SUSD5: variants seen among roughly 807,000 people sequenced by gnomAD.
SUSD5 encodes sushi domain-containing protein 5.
A neutral mutation model predicts 29.5 loss-of-function variants in SUSD5; 33 were observed. That is an observed-to-expected ratio of 1.12 (90% CI 0.85 to 1.49). SUSD5 has a LOEUF of 1.49. Among genes scored for constraint, SUSD5 ranks in the 40% most tolerant of loss-of-function variants. The pLI is 0.00. For synonymous variants in SUSD5, 308 were observed against 325.3 expected (o/e 0.95, Z 0.57); for missense variants, 776 against 800.6 (o/e 0.97, Z 0.37).
At chr3:33,193,694 A>G (rs2031942302) in intron 3 of SUSD5, among the ~76,000 whole-genome samples, 1 of 152,204 alleles carries the variant, frequency 6.6e-6, no homozygotes, top group South Asian at 2.1e-4. Context: ...TGCAAAAAGT[A>G]TGACAATGAG....
intron 4 of SUSD5, 82 bp from the exon 5 acceptor site, chr3:33,154,115 A>G: frequency 6.8e-6 from 8 of 1,178,684 alleles, no homozygotes; most frequent in Non-Finnish European, 9.3e-6. Flanking sequence ...AATTAAAAGC[A>G]TAAAGGCTGG....
chr3:33,203,223 A>G (rs2032152815), intron 3 of SUSD5, among the ~76,000 whole-genome samples: 1 of 152,228 alleles, frequency 6.6e-6, no homozygotes, highest in Non-Finnish European at 1.5e-5. Flanking sequence ...AGGGCCTTGC[A>G]GGAGCCATTT....
chr3:33,189,483 A>AG (rs1233636111), intron 3 of SUSD5, among the ~76,000 whole-genome samples: 3 of 78,972 alleles, frequency 3.8e-5, no homozygotes, highest in African/African-American at 1.1e-4. Context: ...CTTCTCAAAA[A>AG]AAAAAAAAAA....
chr3:33,153,082 G>A lies in SUSD5; in HGVS notation c.1550C>T (p.Thr517Ile). The A allele has an allele frequency of 6.2e-7, 1 of 1,613,860 alleles. No homozygotes were observed. Among genetic ancestry groups the A allele is most frequent in the Non-Finnish European group, 8.5e-7 (1 of 1,179,840 alleles). The change falls in exon 5 of 5, where the codon ACC becomes ATC. Residue 517 changes from threonine to isoleucine, a missense_variant. Coordinates refer to ENST00000309558, the MANE Select transcript of SUSD5 (RefSeq NM_015551.2). ...AGTGGTTTCTACTGGAGGCTGGGTGGTTGCCATGATCGTTGAGGGGATGTG... is the reference window on the plus strand; with the variant it reads ...AGTGGTTTCTACTGGAGGCTGGGTGATTGCCATGATCGTTGAGGGGATGTG... ...PNHIPSTIMA[T>I]TQPPVETTVP...
At chr3:33,199,415 A>C (rs1030182749) in intron 3 of SUSD5, among the ~76,000 whole-genome samples, 10 of 152,114 alleles carry the variant, frequency 6.6e-5, no homozygotes, top group East Asian at 1.9e-4. Context: ...CTGGGACTAC[A>C]GGCACCCGCC....
At chr3:33,190,137 T>C (rs897093185) in intron 3 of SUSD5, 2 of 152,832 alleles carry the variant, frequency 1.3e-5, no homozygotes, top group African/African-American at 4.8e-5. Context: ...ACTCATGATC[T>C]AAATTCTGGT....
At chr3:33,215,600 T>C (rs919634282) in intron 1 of SUSD5, among the ~76,000 whole-genome samples, 1 of 152,058 alleles carries the variant, frequency 6.6e-6, no homozygotes, top group African/African-American at 2.4e-5. Flanking sequence ...TAGTTAAGGT[T>C]TAGTATTAAT....
chr3:33,216,298 C>T lies in SUSD5; in HGVS notation c.113-2193G>A, dbSNP rs951055934. Among the ~76,000 whole-genome samples the T allele has an allele frequency of 3.9e-5, 6 of 152,088 alleles. No homozygotes were observed. The South Asian group carries it at 6.2e-4, about 16-fold the overall frequency. On this transcript the variant is annotated intron_variant, in intron 1 of 4. Coordinates refer to ENST00000309558, the MANE Select transcript of SUSD5 (RefSeq NM_015551.2). ...ATTGACACAAAATTAATTTTAAAATCTGAATACTTCTTTATCTACCAAACA... is the reference window on the plus strand; with the variant it reads ...ATTGACACAAAATTAATTTTAAAATTTGAATACTTCTTTATCTACCAAACA...
intron 3 of SUSD5, among the ~76,000 whole-genome samples, chr3:33,200,580 T>C (rs1031094598): frequency 2.0e-5 from 3 of 152,132 alleles, no homozygotes; most frequent in Non-Finnish European, 4.4e-5. Flanking sequence ...AGAAAAAGAC[T>C]ACCTTGCCAC....
chr3:33,154,144 G>A (rs2030994370), intron 4 of SUSD5, 111 bp from the exon 5 acceptor site: 1 of 849,784 alleles, frequency 1.2e-6, no homozygotes, highest in Non-Finnish European at 1.7e-6. Flanking sequence ...AAATAATACT[G>A]TTATTATTCA....
chr3:33,177,864 G>A (rs937280646), intron 3 of SUSD5, among the ~76,000 whole-genome samples: 10 of 152,148 alleles, frequency 6.6e-5, no homozygotes, highest in African/African-American at 2.4e-4. Flanking sequence ...ATTAGTTCCA[G>A]CTTTTTGTTG....
intron 3 of SUSD5, among the ~76,000 whole-genome samples, chr3:33,196,512 C>T (rs1402024492): frequency 1.3e-5 from 2 of 152,146 alleles, no homozygotes; most frequent in Non-Finnish European, 2.9e-5. Context: ...ACAACAGCTG[C>T]GTCTCTGGAT....
At chr3:33,177,125 T>C (rs2031569349) in intron 3 of SUSD5, among the ~76,000 whole-genome samples, 1 of 152,242 alleles carries the variant, frequency 6.6e-6, no homozygotes. Flanking sequence ...AACCCATTTA[T>C]GCCAGAGGTT....
chr3:33,161,503 CAG>C, intron 4 of SUSD5, among the ~76,000 whole-genome samples: 1 of 152,118 alleles, frequency 6.6e-6, no homozygotes, highest in South Asian at 2.1e-4. Context: ...ACAAAAACGA[CAG>C]TAATTTTAAA....
chr3:33,166,662 T>C (rs924386945), intron 4 of SUSD5, among the ~76,000 whole-genome samples: 3 of 152,132 alleles, frequency 2.0e-5, no homozygotes, highest in South Asian at 2.1e-4. Flanking sequence ...GTATGGCATA[T>C]AGTAGGCACT....
rs1329508608 is a variant in SUSD5, at chr3:33,152,459, T to A, written c.*283A>T. The A allele has an allele frequency of 2.6e-6, 1 of 385,276 alleles. No individual in the cohort carries two copies. Among genetic ancestry groups the A allele is most frequent in the Non-Finnish European group, 4.6e-6 (1 of 216,008 alleles). 23.9% of individuals were successfully genotyped at this position (385,276 alleles called of 1,614,324 possible). On this transcript the variant is annotated 3_prime_UTR_variant, in exon 5 of 5. Transcript: ENST00000309558. ...AATACTGTGATGAAGGAAGAGGCGA[T>A]TTTTGACCTCACACTGGAAACAGGG...
intron 4 of SUSD5, among the ~76,000 whole-genome samples, chr3:33,170,805 T>C (rs920131559): frequency 1.3e-5 from 2 of 152,208 alleles, no homozygotes; most frequent in African/African-American, 4.8e-5. Context: ...TCGTTAGTTA[T>C]TCATGGTAAC....
chr3:33,188,066 A>G (rs1194624985), intron 3 of SUSD5, among the ~76,000 whole-genome samples: 1 of 152,204 alleles, frequency 6.6e-6, no homozygotes, highest in African/African-American at 2.4e-5. Context: ...GATTCTGTCT[A>G]TCAACCAAAT....
At chr3:33,183,856 A>C (rs531565611) in intron 3 of SUSD5, among the ~76,000 whole-genome samples, 73 of 150,302 alleles carry the variant, frequency 4.9e-4, no homozygotes, top group African/African-American at 1.5e-3. Context: ...TTTGAAGGAC[A>C]ATTTCTTAGG....
Sources: allele counts gnomAD v4.1 joint callset (sites outside exome capture counted in the v4.1 genomes callset), GRCh38; gene constraint gnomAD v4.1.1; transcripts MANE v1.5; gene names NCBI Gene and HGNC (gene_info 2026-07-23, HGNC 2026-07-21).